CRPPA: variants seen among roughly 807,000 people sequenced by gnomAD.
The protein encoded by CRPPA is CDP-L-ribitol pyrophosphorylase A, also known as D-ribitol-5-phosphate cytidylyltransferase.
In CRPPA, 43 loss-of-function variants were observed where a neutral mutation model predicts 52.0. The ratio of observed to expected loss-of-function variants is 0.83; its 90% CI spans 0.65 to 1.07. The LOEUF (loss-of-function observed/expected upper bound fraction) is 1.07. Among genes scored for constraint, CRPPA ranks in the 50% least tolerant of loss-of-function variants. The pLI is 0.00. For missense variants in CRPPA, 629 were observed against 551.7 expected (o/e 1.14, Z -1.40); for synonymous variants, 250 against 203.5 (o/e 1.23, Z -1.94).
At chr7:16,417,486 G>A (rs1788221689) in intron 1 of CRPPA, among the ~76,000 whole-genome samples, 1 of 152,166 alleles carries the variant, frequency 6.6e-6, no homozygotes, top group African/African-American at 2.4e-5. Context: ...CAAGTCCTTT[G>A]CAGCAACATG....
At chr7:16,225,118 TTTC>T (rs1174131626) in intron 8 of CRPPA, among the ~76,000 whole-genome samples, 2 of 152,050 alleles carry the variant, frequency 1.3e-5, no homozygotes, top group Non-Finnish European at 2.9e-5. Context: ...TATTTAAATG[TTTC>T]TTTTGATTCA....
chr7:16,199,023 A>G (rs1781794893), intron 9 of CRPPA, among the ~76,000 whole-genome samples: 1 of 152,144 alleles, frequency 6.6e-6, no homozygotes, highest in African/African-American at 2.4e-5. Flanking sequence ...ACCAGCTAAC[A>G]TACACAACTA....
At chr7:16,269,634 T>C (rs1379390722) in intron 6 of CRPPA, 2 of 152,168 alleles carry the variant, frequency 1.3e-5, no homozygotes, top group African/African-American at 4.8e-5. Context: ...GAAAGAAGTT[T>C]TCCAGTAACA....
At position 16,225,819 on chromosome 7, in the gene CRPPA, A is replaced by T. The variant is rs181707898; in HGVS notation, c.1120-9622T>A. Among the ~76,000 whole-genome samples the T allele has an allele frequency of 1.4e-3, 216 of 152,094 alleles. 1 individual carries two copies. Among genetic ancestry groups the T allele is most frequent in the Non-Finnish European group, 2.5e-3 (172 of 67,862 alleles). ...TTAGGCCAACTACTACAAGTCCATCATGCTACTTCTCATCTATAAGAATTG... is the reference window on the plus strand; with the variant it reads ...TTAGGCCAACTACTACAAGTCCATCTTGCTACTTCTCATCTATAAGAATTG... On this transcript the variant is annotated intron_variant, in intron 8 of 9. Coordinates refer to ENST00000407010, the MANE Select transcript of CRPPA (RefSeq NM_001101426.4).
intron 2 of CRPPA, among the ~76,000 whole-genome samples, chr7:16,398,972 C>T (rs540234359): frequency 6.6e-6 from 1 of 152,338 alleles, no homozygotes; most frequent in South Asian, 2.1e-4. Context: ...GACACCTGAC[C>T]AGCCCATGGC....
intron 9 of CRPPA, among the ~76,000 whole-genome samples, chr7:16,127,010 A>G (rs1315005175): frequency 1.3e-5 from 2 of 152,190 alleles, no homozygotes; most frequent in African/African-American, 2.4e-5. Context: ...GTTAAGTAAA[A>G]GTTGTAATAA....
chr7:16,250,291 A>G (rs138251301), intron 8 of CRPPA, among the ~76,000 whole-genome samples: 4 of 152,298 alleles, frequency 2.6e-5, no homozygotes, highest in Admixed American at 6.5e-5. Flanking sequence ...CCAAGTTGGA[A>G]AACACTCTGC....
intron 1 of CRPPA, among the ~76,000 whole-genome samples, chr7:16,420,732 A>T (rs760552996): frequency 9.9e-5 from 15 of 152,150 alleles, no homozygotes; most frequent in Non-Finnish European, 8.8e-5. Flanking sequence ...GACTATCCGC[A>T]CAGCTTCTCC....
At chr7:16,199,024 T>A (rs554124419) in intron 9 of CRPPA, among the ~76,000 whole-genome samples, 5 of 152,220 alleles carry the variant, frequency 3.3e-5, no homozygotes, top group Admixed American at 3.3e-4. Flanking sequence ...CCAGCTAACA[T>A]ACACAACTAG....
At chr7:16,366,917 A>G (rs1786608710) in intron 3 of CRPPA, among the ~76,000 whole-genome samples, 1 of 152,132 alleles carries the variant, frequency 6.6e-6, no homozygotes, top group Admixed American at 6.5e-5. Flanking sequence ...TACCATAAAC[A>G]TATAGATCAT....
intron 3 of CRPPA, among the ~76,000 whole-genome samples, chr7:16,316,077 T>C (rs1298157617): frequency 6.6e-6 from 1 of 152,034 alleles, no homozygotes; most frequent in South Asian, 2.1e-4. Flanking sequence ...TAGTAGGACA[T>C]GGTAATCTAT....
chr7:16,301,900 A>G (rs10464285), intron 4 of CRPPA, among the ~76,000 whole-genome samples: 33,746 of 152,120 alleles, frequency 0.22, 4,676 homozygotes, highest in Admixed American at 0.31. Flanking sequence ...GTTAAGAGGG[A>G]CTTCCTTCTG....
chr7:16,379,927 A>C (rs1787029231), intron 2 of CRPPA, among the ~76,000 whole-genome samples: 1 of 152,178 alleles, frequency 6.6e-6, no homozygotes. Context: ...CAATCATGTC[A>C]TCTGCAAACA....
chr7:16,130,884 C>A (rs376352262), intron 9 of CRPPA, among the ~76,000 whole-genome samples: 1 of 151,972 alleles, frequency 6.6e-6, no homozygotes, highest in South Asian at 2.1e-4. Flanking sequence ...AAGGACAGAG[C>A]CATCATTACT....
chr7:16,140,810 A>G (rs902453103), intron 9 of CRPPA, among the ~76,000 whole-genome samples: 1 of 152,178 alleles, frequency 6.6e-6, no homozygotes, highest in Non-Finnish European at 1.5e-5. Context: ...TACCAATAAA[A>G]TACCTTTTAA....
chr7:16,115,037 A>T (rs908257240), intron 9 of CRPPA, among the ~76,000 whole-genome samples: 1 of 152,074 alleles, frequency 6.6e-6, no homozygotes. Context: ...AAACTATGTT[A>T]ATGTTTCACG....
intron 8 of CRPPA, among the ~76,000 whole-genome samples, chr7:16,231,173 C>T (rs1313450322): frequency 6.6e-6 from 1 of 152,148 alleles, no homozygotes; most frequent in Non-Finnish European, 1.5e-5. Context: ...CTATTCCATG[C>T]TGCCAGAGTT....
chr7:16,162,365 T>C (rs1369101491), intron 9 of CRPPA, among the ~76,000 whole-genome samples: 1 of 152,218 alleles, frequency 6.6e-6, no homozygotes, highest in Non-Finnish European at 1.5e-5. Flanking sequence ...CCAGATATTC[T>C]AGTATGTTGT....
intron 2 of CRPPA, among the ~76,000 whole-genome samples, chr7:16,399,290 C>T (rs536839352): frequency 5.1e-4 from 78 of 152,256 alleles, no homozygotes; most frequent in African/African-American, 1.1e-3. Flanking sequence ...ATACGATTGA[C>T]GTGTGATCAA....
Sources: gnomAD v4.1 joint callset for allele counts (sites outside exome capture counted in the v4.1 genomes callset) on GRCh38, gnomAD v4.1.1 for gene constraint, MANE v1.5 for transcripts, NCBI Gene and HGNC (gene_info 2026-07-23, HGNC 2026-07-21) for gene names.